The following BRINP1 variants were observed in gnomAD, a reference collection of about 807,000 sequenced individuals.
The protein encoded by BRINP1 is BMP/retinoic acid inducible neural specific 1.
BRINP1 carries 17 observed loss-of-function variants against 72.9 expected under a neutral mutation model. The observed-to-expected ratio is 0.23, with a 90% CI of 0.16 to 0.35. The LOEUF (loss-of-function observed/expected upper bound fraction) is 0.35. Among genes scored for constraint, BRINP1 ranks in the 10% least tolerant of loss-of-function variants. BRINP1 has a pLI of 1.00. For synonymous variants in BRINP1, 418 were observed against 378.5 expected, an observed-to-expected ratio of 1.10 and a Z score of -1.21; for missense variants, 850 against 1,001.6, an observed-to-expected ratio of 0.85 and a Z score of 2.04.
Position 119,369,078 on chromosome 9 carries a change from G to A in BRINP1, c.-73C>T. 1 of 396,750 alleles carries A rather than the reference G, an allele frequency of 2.5e-6. No individual in the cohort carries two copies. Among genetic ancestry groups the A allele is most frequent in the Non-Finnish European group, 4.4e-6 (1 of 224,964 alleles). The allele number at this position is 396,750 out of a possible 1,614,324, so 24.6% of individuals were successfully genotyped here. On this transcript the variant is annotated 5_prime_UTR_variant, in exon 1 of 8. Transcript: ENST00000265922. ...TACCTGGAGTCAATGTCCGTCTTTG[G>A]CGGAGAGCTGCGGGAGGACGCTTTT... is the stretch of plus-strand genomic sequence containing the variant.
chr9:119,230,508 G>A (rs924084603), intron 5 of BRINP1, among the ~76,000 whole-genome samples: 2 of 151,958 alleles, frequency 1.3e-5, no homozygotes, highest in African/African-American at 4.8e-5. Context: ...AGAGGGTGGA[G>A]AAGGAATGAT....
chr9:119,295,761 C>T (rs1437298768), intron 2 of BRINP1, among the ~76,000 whole-genome samples: 1 of 152,124 alleles, frequency 6.6e-6, no homozygotes, highest in African/African-American at 2.4e-5. Context: ...TCGTCTTCAA[C>T]AAGGGTTCCA....
intron 7 of BRINP1, among the ~76,000 whole-genome samples, chr9:119,176,076 T>C (rs1588154762): frequency 2.0e-5 from 3 of 152,300 alleles, no homozygotes; most frequent in Admixed American, 1.3e-4. Context: ...TTGGTACTTA[T>C]TAAGAGCTCA....
Position 119,249,868 on chromosome 9 carries a change from G to A in BRINP1, c.219-718C>T, listed in dbSNP as rs12352290. Among the ~76,000 whole-genome samples, 66 of 89,708 alleles carry A rather than the reference G, an allele frequency of 7.4e-4. 2 individuals are homozygous for A. Among genetic ancestry groups the A allele is most frequent in the Middle Eastern group, 5.7e-3 (1 of 176 alleles). 58.9% of individuals were successfully genotyped at this position (89,708 alleles called of 152,430 possible). A position where few individuals can be genotyped will look rare whatever the true frequency, so the allele number is the denominator to read the frequency against. Reference sequence around the variant, plus strand: ...GAAGGAAGGAAGGGAGGGAGGGAGGGAGGGAGGGAAGGGAGGAAGGAAGGG... The same window carrying A: ...GAAGGAAGGAAGGGAGGGAGGGAGGAAGGGAGGGAAGGGAGGAAGGAAGGG... On this transcript the variant is annotated intron_variant, in intron 2 of 7. Coordinates refer to ENST00000265922, the MANE Select transcript of BRINP1 (RefSeq NM_014618.3).
chr9:119,169,154 A>G (rs230102), intron 7 of BRINP1, among the ~76,000 whole-genome samples: 12,256 of 152,318 alleles, frequency 0.08, 1,516 homozygotes, highest in African/African-American at 0.27. Context: ...GAACAGCTCC[A>G]GTCTACAGCT....
At chr9:119,204,413 T>A (rs559765937) in intron 7 of BRINP1, among the ~76,000 whole-genome samples, 1 of 152,158 alleles carries the variant, frequency 6.6e-6, no homozygotes, top group East Asian at 1.9e-4. Context: ...CAGCTATAAT[T>A]GACCTCTCAC....
Position 119,313,196 on chromosome 9 carries a change from A to G in BRINP1, c.160T>C (p.Tyr54His), listed in dbSNP as rs1235592896. 2 of 1,614,148 alleles carry G rather than the reference A, an allele frequency of 1.2e-6. No individual in the cohort carries two copies. The highest frequency in any genetic ancestry group is 1.7e-6 in the Non-Finnish European group (2 of 1,179,998). Reference sequence around the variant, plus strand: ...CGGTGTCTTTCCACAAAGGATAGGTAGCTCCTGGAGTGGTGGAAAGGCCCC... The same window carrying G: ...CGGTGTCTTTCCACAAAGGATAGGTGGCTCCTGGAGTGGTGGAAAGGCCCC... ...DRGPFHHSRS[Y>H]LSFVERHRQG... Residue 54 changes from tyrosine to histidine, a missense_variant, in exon 2 of 8, where the codon TAC (tyrosine) becomes CAC (histidine). Tyr to His is a moderately conservative substitution (Grantham distance 83, BLOSUM62 2). Transcript: ENST00000265922.
At chr9:119,241,229 C>T (rs1830245304) in intron 4 of BRINP1, among the ~76,000 whole-genome samples, 1 of 152,192 alleles carries the variant, frequency 6.6e-6, no homozygotes. Context: ...TGACTAGTGG[C>T]TACTATCTCG....
chr9:119,261,789 C>T (rs960883838), intron 2 of BRINP1, among the ~76,000 whole-genome samples: 2 of 149,860 alleles, frequency 1.3e-5, no homozygotes, highest in African/African-American at 4.9e-5. Context: ...TTCCTTCCTT[C>T]CTCCCTCCCT....
chr9:119,313,498 A>T (rs1455973800), intron 1 of BRINP1, 93 bp from the exon 2 acceptor site: 6 of 1,200,766 alleles, frequency 5.0e-6, no homozygotes, highest in African/African-American at 4.6e-5. Context: ...AAGACACAGG[A>T]AAAGAAAAAA....
At chr9:119,182,439 A>G (rs1442963052) in intron 7 of BRINP1, among the ~76,000 whole-genome samples, 1 of 152,220 alleles carries the variant, frequency 6.6e-6, no homozygotes, top group Non-Finnish European at 1.5e-5. Flanking sequence ...AAGACATGCT[A>G]AGGTCTGAAA....
chr9:119,206,018 C>T (rs1185609808), intron 7 of BRINP1, among the ~76,000 whole-genome samples: 1 of 152,150 alleles, frequency 6.6e-6, no homozygotes, highest in African/African-American at 2.4e-5. Flanking sequence ...CCCAGGATCT[C>T]AAACTGTGAC....
At chr9:119,170,441 A>AAAAG (rs1408835431) in intron 7 of BRINP1, among the ~76,000 whole-genome samples, 3 of 150,726 alleles carry the variant, frequency 2.0e-5, no homozygotes, top group Admixed American at 6.6e-5. Context: ...AAAAAGAATA[A>AAAAG]AAAGAAATGA....
intron 5 of BRINP1, among the ~76,000 whole-genome samples, chr9:119,235,580 A>G (rs577002226): frequency 3.9e-5 from 6 of 152,224 alleles, no homozygotes; most frequent in Middle Eastern, 3.4e-3. Context: ...TTTGAAGCTC[A>G]TCTTCTCTAA....
chr9:119,239,496 T>G (rs1369773604), intron 4 of BRINP1, among the ~76,000 whole-genome samples: 1 of 152,238 alleles, frequency 6.6e-6, no homozygotes, highest in Non-Finnish European at 1.5e-5. Flanking sequence ...TGGCTTAGTA[T>G]GAAAAGAAGC....
intron 1 of BRINP1, among the ~76,000 whole-genome samples, chr9:119,325,164 A>T (rs1037997161): frequency 1.3e-5 from 2 of 152,138 alleles, no homozygotes; most frequent in African/African-American, 4.8e-5. Context: ...GGAGAGAGGA[A>T]AAAAGAAAAC....
At chr9:119,202,176 A>G (rs1364874584) in intron 7 of BRINP1, among the ~76,000 whole-genome samples, 1 of 152,142 alleles carries the variant, frequency 6.6e-6, no homozygotes, top group Non-Finnish European at 1.5e-5. Flanking sequence ...CTATGCCTTA[A>G]TTTCTCTGTT....
chr9:119,242,820 A>C (rs1340541524), intron 3 of BRINP1, among the ~76,000 whole-genome samples: 1 of 152,174 alleles, frequency 6.6e-6, no homozygotes, highest in African/African-American at 2.4e-5. Context: ...TCTTCTTTTA[A>C]GTTTTTCTTA....
At chr9:119,336,151 G>A (rs1001662249) in intron 1 of BRINP1, among the ~76,000 whole-genome samples, 8 of 152,196 alleles carry the variant, frequency 5.3e-5, no homozygotes. Context: ...TCCTTCAAGT[G>A]CTCTGGAATA....
Sources: gnomAD v4.1 joint callset for allele counts (sites outside exome capture counted in the v4.1 genomes callset) on GRCh38, gnomAD v4.1.1 for gene constraint, MANE v1.5 for transcripts, NCBI Gene and HGNC (gene_info 2026-07-23, HGNC 2026-07-21) for gene names.